The following TATDN1 variants were observed in gnomAD, a reference collection of about 807,000 sequenced individuals.
TATDN1 encodes TatD DNase domain containing 1, also known as deoxyribonuclease TATDN1.
In TATDN1, 40 loss-of-function variants were observed where a neutral mutation model predicts 46.4. That is an observed-to-expected ratio of 0.86 (90% CI 0.67 to 1.12). TATDN1 has a LOEUF of 1.12. Ranked by LOEUF, TATDN1 falls within the 50% of genes most tolerant of loss-of-function variation. The pLI, the probability that TATDN1 is intolerant of heterozygous loss-of-function variation, is 0.00. For synonymous variants in TATDN1, 95 were observed against 105.6 expected (o/e 0.90, Z 0.62); for missense variants, 326 against 348.4 (o/e 0.94, Z 0.51).
intron 1 of TATDN1, among the ~76,000 whole-genome samples, chr8:124,535,149 A>C (rs537733913): frequency 6.6e-6 from 1 of 152,192 alleles, no homozygotes; most frequent in Non-Finnish European, 1.5e-5. Context: ...GCAAACCCCC[A>C]TCCTGAGGCT....
intron 9 of TATDN1, 81 bp downstream of exon 9, chr8:124,504,190 C>T (rs1818209298): frequency 9.8e-7 from 1 of 1,015,722 alleles, no homozygotes; most frequent in Non-Finnish European, 1.5e-6. Context: ...GAAAATAAAT[C>T]TTCATCAGCA....
At chr8:124,529,450 C>CG (rs371353565) in intron 1 of TATDN1, among the ~76,000 whole-genome samples, 4 of 152,118 alleles carry the variant, frequency 2.6e-5, no homozygotes, top group African/African-American at 4.8e-5. Context: ...TGTAAGGATA[C>CG]GGGGGGTTAC....
chr8:124,520,868 G>A (rs926955951), intron 3 of TATDN1, among the ~76,000 whole-genome samples: 8 of 150,832 alleles, frequency 5.3e-5, no homozygotes, highest in African/African-American at 1.2e-4. Flanking sequence ...GCGTGAACCC[G>A]GGAGGCAGAG....
chr8:124,507,444 G>A (rs1440212866), intron 8 of TATDN1, among the ~76,000 whole-genome samples: 1 of 152,154 alleles, frequency 6.6e-6, no homozygotes, highest in Non-Finnish European at 1.5e-5. Flanking sequence ...TTAAAGAACA[G>A]CTGACAGAAG....
intron 1 of TATDN1, 83 bp from the exon 2 acceptor site, chr8:124,523,085 T>C: frequency 7.9e-7 from 1 of 1,264,788 alleles, no homozygotes; most frequent in Non-Finnish European, 1.1e-6. Context: ...GTTACTAAAC[T>C]TTTTGTTCAC....
intron 11 of TATDN1, 123 bp downstream of exon 11, chr8:124,493,710 G>T: frequency 9.2e-7 from 1 of 1,086,272 alleles, no homozygotes; most frequent in Non-Finnish European, 1.3e-6. Flanking sequence ...TTAATATGGT[G>T]GTCTTGAACC....
rs187959018 is a variant in TATDN1 at position 124,513,321 on chromosome 8, C to T, written c.389+2425G>A. Among the ~76,000 whole-genome samples, 10 of 152,374 alleles carry T rather than the reference C, an allele frequency of 6.6e-5. No individual in the cohort carries two copies. The East Asian group carries it at 1.7e-3, about 26-fold the overall frequency. ...TCCTACTTTGTCATTAGCTTATCCA[C>T]TCTGGAAGAAGCCAGTGTCATATGC... On this transcript the variant is annotated intron_variant, in intron 6 of 11. Transcript: ENST00000276692.
In TATDN1 at chr8:124,515,309, A is replaced by G. The variant is rs992716317; in HGVS notation, c.389+437T>C. On this transcript the variant is annotated intron_variant, in intron 6 of 11. Coordinates refer to ENST00000276692, the MANE Select transcript of TATDN1 (RefSeq NM_032026.4). Reference sequence around the variant, plus strand: ...GGCAGGAGACTCATTTGAACCCAGGAGGTGGAGGTTGCGGTGAGCTGAGAT... The same window carrying G: ...GGCAGGAGACTCATTTGAACCCAGGGGGTGGAGGTTGCGGTGAGCTGAGAT... Among the ~76,000 whole-genome samples, 5 of 152,168 alleles carry G rather than the reference A, an allele frequency of 3.3e-5. No individual in the cohort carries two copies. In the South Asian group the frequency reaches 8.3e-4, roughly 25 times the overall value.
intron 6 of TATDN1, among the ~76,000 whole-genome samples, chr8:124,513,158 C>T (rs1819175579): frequency 6.6e-6 from 1 of 152,172 alleles, no homozygotes; most frequent in South Asian, 2.1e-4. Context: ...GGTGATCGGC[C>T]TGCCTTGGCC....
intron 1 of TATDN1, among the ~76,000 whole-genome samples, chr8:124,537,419 G>C (rs951540813): frequency 6.6e-6 from 1 of 152,190 alleles, no homozygotes; most frequent in Non-Finnish European, 1.5e-5. Flanking sequence ...AGTGTTTATA[G>C]AGCAGCCCAG....
chr8:124,493,829 TCA>T lies in TATDN1; in HGVS notation c.791+2_791+3del. The T allele has an allele frequency of 1.3e-6, 2 of 1,592,340 alleles. No individual in the cohort carries two copies. The highest frequency in any genetic ancestry group is 2.3e-4 in the Middle Eastern group (1 of 4,354). On this transcript the variant is annotated splice_donor_variant and splice_donor_region_variant and intron_variant, in intron 11 of 11. Coordinates refer to ENST00000276692, the MANE Select transcript of TATDN1 (RefSeq NM_032026.4). LOFTEE classifies it high-confidence loss of function. ...TTTGAAGACCATGAAAGCAAAATACTCACATTATATGGCAGGGTTCATTTCTG... is the reference window on the plus strand; with the variant it reads ...TTTGAAGACCATGAAAGCAAAATACTCATTATATGGCAGGGTTCATTTCTG...
chr8:124,491,848 A>C (rs1817022730), intron 11 of TATDN1, among the ~76,000 whole-genome samples: 2 of 152,244 alleles, frequency 1.3e-5, no homozygotes, highest in Non-Finnish European at 2.9e-5. Flanking sequence ...CCAACTCATA[A>C]TTAGCAGTAG....
At chr8:124,528,998 G>A (rs893969426) in intron 1 of TATDN1, among the ~76,000 whole-genome samples, 12 of 152,164 alleles carry the variant, frequency 7.9e-5, no homozygotes, top group Admixed American at 2.0e-4. Flanking sequence ...GGATAAGCCC[G>A]TGCCTAGGCA....
intron 11 of TATDN1, among the ~76,000 whole-genome samples, chr8:124,493,337 T>C (rs1038573017): frequency 1.3e-5 from 2 of 152,254 alleles, no homozygotes; most frequent in African/African-American, 4.8e-5. Flanking sequence ...CACCTTCTCC[T>C]GTTTGTTACC....
In TATDN1 at chr8:124,518,822, T is replaced by G. The variant is rs1339800768; in HGVS notation, c.198A>C (p.Thr66=). 3 of 1,609,850 alleles carry G rather than the reference T, an allele frequency of 1.9e-6. No homozygotes were observed. The highest frequency in any genetic ancestry group is 2.2e-5 in the East Asian group (1 of 44,822). Residue 66 remains threonine, a synonymous_variant, in exon 4 of 12, where the codon ACA becomes ACC. Coordinates refer to ENST00000276692, the MANE Select transcript of TATDN1 (RefSeq NM_032026.4). ...DSKDALHLAQ[T]NGMFFSTVGC... ...GTAAAAGAAATATGAGGATACCATT[T>G]GTTTGTGCCAAATGCAGTGCATCTT...
chr8:124,528,047 G>A, intron 1 of TATDN1, among the ~76,000 whole-genome samples: 1 of 152,162 alleles, frequency 6.6e-6, no homozygotes, highest in East Asian at 1.9e-4. Flanking sequence ...CTATGAATAT[G>A]ACAAACACTT....
At chr8:124,488,746 G>C (rs1474360450) in intron 11 of TATDN1, 50 bp from the exon 12 acceptor site, 1 of 1,045,246 alleles carries the variant, frequency 9.6e-7, no homozygotes, top group African/African-American at 1.6e-5. Flanking sequence ...TATACATTTA[G>C]TTCTAAAGCT....
intron 4 of TATDN1, among the ~76,000 whole-genome samples, chr8:124,517,525 T>C (rs1367323283): frequency 2.0e-5 from 3 of 152,044 alleles, no homozygotes; most frequent in Non-Finnish European, 4.4e-5. Flanking sequence ...TAAGTTTTCA[T>C]ACATAAAGGA....
chr8:124,507,865 C>G (rs1274985283), intron 8 of TATDN1, among the ~76,000 whole-genome samples: 1 of 151,390 alleles, frequency 6.6e-6, no homozygotes. Context: ...ATTCTGTACG[C>G]ATTCTTGTAC....
Sources: gnomAD v4.1 joint callset for allele counts (sites outside exome capture counted in the v4.1 genomes callset) on GRCh38, gnomAD v4.1.1 for gene constraint, MANE v1.5 for transcripts, NCBI Gene and HGNC (gene_info 2026-07-23, HGNC 2026-07-21) for gene names.